Variants in STK33 observed in about 807,000 individuals in gnomAD.
The protein encoded by STK33 is serine/threonine kinase 33, also known as serine/threonine-protein kinase 33.
Under a neutral mutation model 58.0 loss-of-function variants are expected in STK33, and 52 were observed. That is an observed-to-expected ratio of 0.90 (90% CI 0.72 to 1.13). The LOEUF (loss-of-function observed/expected upper bound fraction) is 1.13, where lower values mean the gene tolerates loss of function less well. Among genes scored for constraint, STK33 ranks in the 50% most tolerant of loss-of-function variants. The probability of loss-of-function intolerance (pLI) is 0.00; values close to 1 mark genes in which losing one functional copy is unlikely to be tolerated. For synonymous variants in STK33, 215 were observed against 200.1 expected, an observed-to-expected ratio of 1.07 and a Z score of -0.63; for missense variants, 630 against 604.2, an observed-to-expected ratio of 1.04 and a Z score of -0.45.
At chr11:8,367,617 C>T in the STK33 span, among the ~76,000 whole-genome samples, 1 of 152,154 alleles carries the variant, frequency 6.6e-6, no homozygotes, top group Non-Finnish European at 1.5e-5. Flanking sequence ...ACTAAAGATG[C>T]TTTTCAAACA....
At chr11:8,396,691 G>A (rs957557448) in intron 15 of STK33, among the ~76,000 whole-genome samples, 2 of 152,210 alleles carry the variant, frequency 1.3e-5, no homozygotes, top group African/African-American at 4.8e-5. Context: ...AGCGCAAGGG[G>A]TCAGGGAATT....
At chr11:8,515,763 A>G (rs1952720229) in intron 1 of STK33, among the ~76,000 whole-genome samples, 1 of 152,212 alleles carries the variant, frequency 6.6e-6, no homozygotes, top group Non-Finnish European at 1.5e-5. Context: ...GCAGAGAAGC[A>G]TTTGGATAAA....
At chr11:8,553,683 G>A (rs1414159664) in intron 1 of STK33, among the ~76,000 whole-genome samples, 1 of 152,020 alleles carries the variant, frequency 6.6e-6, no homozygotes, top group Admixed American at 6.6e-5. Flanking sequence ...TTACAAAGGT[G>A]CCAAGAACAC....
intron 1 of STK33, among the ~76,000 whole-genome samples, chr11:8,530,759 G>A (rs1318258716): frequency 3.3e-5 from 5 of 152,014 alleles, no homozygotes; most frequent in Non-Finnish European, 7.4e-5. Context: ...GTGCAATCTC[G>A]GCTCACTGCA....
At position 8,544,573 on chromosome 11, in the gene STK33, T is replaced by C. The variant is rs562500981; in HGVS notation, c.-466+49510A>G. ...AAAGTGAACTATATATTCAAAGAAA[T>C]AGAGCCTCGGATAATTGACATATAC... On this transcript the variant is annotated intron_variant, in intron 1 of 15. Coordinates refer to ENST00000687296, the MANE Select transcript of STK33 (RefSeq NM_001352389.2). 2.6e-5 allele frequency among the ~76,000 whole-genome samples: 4 copies of C among 151,858 alleles called. No individual in the cohort carries two copies. In the South Asian group the frequency reaches 8.3e-4, roughly 32 times the overall value.
In STK33 at chr11:8,548,411, T is replaced by C. The variant is rs540645683; in HGVS notation, c.-466+45672A>G. On this transcript the variant is annotated intron_variant, in intron 1 of 15. Coordinates refer to ENST00000687296, the MANE Select transcript of STK33 (RefSeq NM_001352389.2). ...TCTGGAGGCTTTGTTGAAAATAAATTGGCTGTAAATGTATGGATTTATTTC... is the reference window on the plus strand; with the variant it reads ...TCTGGAGGCTTTGTTGAAAATAAATCGGCTGTAAATGTATGGATTTATTTC... Among the ~76,000 whole-genome samples the C allele has an allele frequency of 2.6e-5, 4 of 152,210 alleles. No homozygotes were observed. In the South Asian group the frequency reaches 8.3e-4, roughly 32 times the overall value.
the STK33 span, among the ~76,000 whole-genome samples, chr11:8,354,091 C>T: frequency 6.6e-6 from 1 of 152,158 alleles, no homozygotes; most frequent in African/African-American, 2.4e-5. Flanking sequence ...CGGAGATAAA[C>T]CCAGAGGAAT....
chr11:8,587,421 G>C (rs1042350313), intron 1 of STK33, among the ~76,000 whole-genome samples: 2 of 151,970 alleles, frequency 1.3e-5, no homozygotes, highest in African/African-American at 4.8e-5. Context: ...TTGAACCCAG[G>C]TGAGCCTGAG....
At chr11:8,395,505 C>A (rs1052420132) in intron 15 of STK33, among the ~76,000 whole-genome samples, 1 of 152,184 alleles carries the variant, frequency 6.6e-6, no homozygotes, top group Non-Finnish European at 1.5e-5. Flanking sequence ...CAGACAAATA[C>A]ATTCATCTAC....
intron 11 of STK33, among the ~76,000 whole-genome samples, chr11:8,444,888 C>A (rs569434678): frequency 9.9e-5 from 15 of 151,894 alleles, no homozygotes; most frequent in Non-Finnish European, 1.9e-4. Context: ...TTTTTGGTTC[C>A]ACATAAACTT....
At chr11:8,350,402 G>A in the STK33 span, among the ~76,000 whole-genome samples, 81 of 152,220 alleles carry the variant, frequency 5.3e-4, no homozygotes, top group Non-Finnish European at 1.0e-3. Context: ...CAACAAATGA[G>A]GCTAGGAACA....
At chr11:8,460,248 G>GA (rs1191146011) in intron 8 of STK33, among the ~76,000 whole-genome samples, 2 of 151,996 alleles carry the variant, frequency 1.3e-5, no homozygotes, top group African/African-American at 2.4e-5. Context: ...ATGAAGGGGA[G>GA]AAAAAACAAT....
At chr11:8,563,871 G>A (rs1957274672) in intron 1 of STK33, among the ~76,000 whole-genome samples, 1 of 152,156 alleles carries the variant, frequency 6.6e-6, no homozygotes, top group Admixed American at 6.6e-5. Context: ...TCCAAAAAGA[G>A]GAGCCAGGAA....
the STK33 span, among the ~76,000 whole-genome samples, chr11:8,347,934 A>C: frequency 1.3e-5 from 2 of 152,072 alleles, no homozygotes; most frequent in African/African-American, 4.8e-5. Flanking sequence ...TTTCTAAACC[A>C]CTGCCTGGAT....
chr11:8,462,456 C>CAT (rs2137322193), intron 7 of STK33, among the ~76,000 whole-genome samples: 1 of 147,372 alleles, frequency 6.8e-6, no homozygotes, highest in South Asian at 2.2e-4. Context: ...CACACACACA[C>CAT]ACACACACAC....
chr11:8,546,224 C>A (rs149624667), intron 1 of STK33, among the ~76,000 whole-genome samples: 1 of 152,160 alleles, frequency 6.6e-6, no homozygotes, highest in Non-Finnish European at 1.5e-5. Context: ...GTACACTGTG[C>A]AAATACTTGT....
chr11:8,476,488 T>G (rs1011528448), intron 4 of STK33, among the ~76,000 whole-genome samples, 199 bp downstream of exon 4: 1 of 152,218 alleles, frequency 6.6e-6, no homozygotes, highest in Non-Finnish European at 1.5e-5. Flanking sequence ...TCAGATACAG[T>G]AGCCTCTTGC....
chr11:8,582,557 T>C (rs756342244), intron 1 of STK33, among the ~76,000 whole-genome samples: 6 of 152,110 alleles, frequency 3.9e-5, no homozygotes, highest in Non-Finnish European at 8.8e-5. Context: ...TCACTCAGTC[T>C]CACGAGAACA....
intron 11 of STK33, 92 bp downstream of exon 11, chr11:8,452,730 G>T: frequency 4.3e-6 from 5 of 1,156,834 alleles, no homozygotes; most frequent in Non-Finnish European, 5.1e-6. Flanking sequence ...CAAGGCTGCA[G>T]TGAGCCAAGA....
Sources: allele counts gnomAD v4.1 joint callset (sites outside exome capture counted in the v4.1 genomes callset), GRCh38; gene constraint gnomAD v4.1.1; transcripts MANE v1.5; gene names NCBI Gene and HGNC (gene_info 2026-07-23, HGNC 2026-07-21).